Variants in ANKS1B observed in about 807,000 individuals in gnomAD.
ANKS1B encodes ankyrin repeat and sterile alpha motif domain containing 1B.
ANKS1B carries 36 observed loss-of-function variants against 148.3 expected under a neutral mutation model. That is an observed-to-expected ratio of 0.24 (90% CI 0.19 to 0.32). The LOEUF is 0.32. ANKS1B is among the 10% of genes least tolerant of loss of function. The pLI is 1.00. For synonymous variants in ANKS1B, 542 were observed against 560.8 expected, an observed-to-expected ratio of 0.97 and a Z score of 0.47; for missense variants, 1,157 against 1,542.6, an observed-to-expected ratio of 0.75 and a Z score of 4.19.
chr12:99,622,477 T>TA (rs377453743), intron 9 of ANKS1B, among the ~76,000 whole-genome samples: 10 of 151,326 alleles, frequency 6.6e-5, no homozygotes, highest in Non-Finnish European at 1.2e-4. Context: ...GGATAAAGGA[T>TA]AAAAAAATCA....
chr12:99,855,071 T>A (rs980667298), intron 1 of ANKS1B, among the ~76,000 whole-genome samples: 12 of 152,130 alleles, frequency 7.9e-5, no homozygotes, highest in Admixed American at 5.9e-4. Flanking sequence ...ACATTGAATG[T>A]AAGTGGCCTA....
At chr12:99,736,229 T>C (rs996678012) in intron 8 of ANKS1B, among the ~76,000 whole-genome samples, 1 of 151,972 alleles carries the variant, frequency 6.6e-6, no homozygotes, top group Non-Finnish European at 1.5e-5. Context: ...CTATGCAACA[T>C]AGTACTGGAA....
intron 1 of ANKS1B, among the ~76,000 whole-genome samples, chr12:99,861,397 A>G (rs2089995000): frequency 1.3e-5 from 2 of 152,202 alleles, no homozygotes; most frequent in African/African-American, 4.8e-5. Context: ...AAAAAGATAT[A>G]TCTAGTTACT....
chr12:99,319,755 G>T (rs887667095), intron 12 of ANKS1B, among the ~76,000 whole-genome samples: 2 of 152,118 alleles, frequency 1.3e-5, no homozygotes, highest in Non-Finnish European at 2.9e-5. Context: ...TTGTTAGTTT[G>T]TTTGTTAGTT....
chr12:99,301,302 T>C (rs1323849549), intron 12 of ANKS1B, among the ~76,000 whole-genome samples: 1 of 152,196 alleles, frequency 6.6e-6, no homozygotes, highest in Admixed American at 6.5e-5. Context: ...CAGAAATGTT[T>C]ACCAGCTCTC....
chr12:99,676,619 A>G (rs761569488), intron 8 of ANKS1B, among the ~76,000 whole-genome samples: 2 of 152,254 alleles, frequency 1.3e-5, no homozygotes, highest in Admixed American at 6.5e-5. Flanking sequence ...GTATTAAAAT[A>G]AATAAAGTAA....
chr12:99,267,357 C>T (rs1316186469), intron 12 of ANKS1B, among the ~76,000 whole-genome samples: 1 of 152,122 alleles, frequency 6.6e-6, no homozygotes, highest in Non-Finnish European at 1.5e-5. Context: ...CTGACTCTCT[C>T]TCTCTCTCTC....
intron 24 of ANKS1B, among the ~76,000 whole-genome samples, chr12:98,775,492 C>A (rs1208273722): frequency 6.6e-6 from 1 of 151,948 alleles, no homozygotes; most frequent in African/African-American, 2.4e-5. Context: ...GCTCTGTTGC[C>A]CAGGCTGGAG....
chr12:99,628,779 A>G (rs2098132437), intron 9 of ANKS1B, among the ~76,000 whole-genome samples: 1 of 152,138 alleles, frequency 6.6e-6, no homozygotes, highest in African/African-American at 2.4e-5. Flanking sequence ...TGAGAGAGCA[A>G]GAGCAGAGGG....
intron 1 of ANKS1B, among the ~76,000 whole-genome samples, chr12:99,885,906 C>T (rs2092801273): frequency 6.6e-6 from 1 of 152,202 alleles, no homozygotes; most frequent in Non-Finnish European, 1.5e-5. Context: ...CCCCCAGTTC[C>T]ATCCAAGTTG....
At chr12:99,090,863 G>A (rs1192862960) in intron 15 of ANKS1B, among the ~76,000 whole-genome samples, 20 of 152,056 alleles carry the variant, frequency 1.3e-4, no homozygotes, top group Admixed American at 1.3e-3. Flanking sequence ...TTATCATATA[G>A]AAACACGGGT....
chr12:98,748,393 G>A (rs1054384372), intron 26 of ANKS1B, among the ~76,000 whole-genome samples: 10 of 152,066 alleles, frequency 6.6e-5, no homozygotes, highest in African/African-American at 1.2e-4. Context: ...CTCCTGGGGC[G>A]GGGCCGGGCT....
At chr12:99,939,110 G>A (rs576725979) in intron 1 of ANKS1B, among the ~76,000 whole-genome samples, 48 of 152,084 alleles carry the variant, frequency 3.2e-4, no homozygotes, top group African/African-American at 1.1e-3. Flanking sequence ...AATTTCTTTT[G>A]AGACAGGGTC....
chr12:99,964,913 G>A, intron 1 of ANKS1B, among the ~76,000 whole-genome samples: 1 of 152,188 alleles, frequency 6.6e-6, no homozygotes, highest in East Asian at 1.9e-4. Context: ...AGAGGAGATT[G>A]ATAGCATATA....
chr12:99,226,072 C>T (rs1300851129), intron 14 of ANKS1B, among the ~76,000 whole-genome samples: 1 of 152,028 alleles, frequency 6.6e-6, no homozygotes, highest in Non-Finnish European at 1.5e-5. Flanking sequence ...TATAAGCCTC[C>T]TCAAATCTGT....
intron 17 of ANKS1B, among the ~76,000 whole-genome samples, chr12:98,966,858 G>A (rs2099878413): frequency 7.7e-6 from 1 of 130,248 alleles, no homozygotes; most frequent in South Asian, 2.8e-4. Flanking sequence ...TTGGACACAG[G>A]AAGGGGAACA....
Position 98,745,717 on chromosome 12 carries a change from G to C in ANKS1B, c.*22C>G. The C allele has an allele frequency of 1.2e-6, 2 of 1,611,956 alleles. No individual in the cohort carries two copies. The highest frequency in any genetic ancestry group is 1.7e-6 in the Non-Finnish European group (2 of 1,178,954). On this transcript the variant is annotated 3_prime_UTR_variant, in exon 27 of 27. Transcript: ENST00000683438. ...GACCGCTTGGCGAGCAAGGCACCGC[G>C]AGGACAGGAGGACGGCGAGTATCAG...
intron 9 of ANKS1B, among the ~76,000 whole-genome samples, chr12:99,622,662 TC>T (rs1203052044): frequency 6.6e-6 from 1 of 151,560 alleles, no homozygotes; most frequent in African/African-American, 2.4e-5. Flanking sequence ...ACTGACAAAT[TC>T]CTAGAAACAC....
intron 14 of ANKS1B, among the ~76,000 whole-genome samples, chr12:99,181,221 G>A (rs1282661475): frequency 2.0e-5 from 3 of 151,190 alleles, no homozygotes; most frequent in Admixed American, 6.6e-5. Flanking sequence ...TGATCCTTGC[G>A]ATAAGTTAGG....
Sources: gnomAD v4.1 joint callset for allele counts (sites outside exome capture counted in the v4.1 genomes callset) on GRCh38, gnomAD v4.1.1 for gene constraint, MANE v1.5 for transcripts, NCBI Gene and HGNC (gene_info 2026-07-23, HGNC 2026-07-21) for gene names.